SIMC1: variants seen among roughly 807,000 people sequenced by gnomAD.
SIMC1 encodes the protein SUMO interacting motifs containing 1, also known as SUMO-interacting motif-containing protein 1.
In SIMC1, 55 loss-of-function variants were observed where a neutral mutation model predicts 82.3. The ratio of observed to expected loss-of-function variants is 0.67; its 90% CI spans 0.54 to 0.84. The LOEUF (loss-of-function observed/expected upper bound fraction) is 0.84, where lower values mean the gene tolerates loss of function less well. Among genes scored for constraint, SIMC1 ranks in the 40% least tolerant of loss-of-function variants. The probability of loss-of-function intolerance (pLI) is 0.00; values close to 1 mark genes in which losing one functional copy is unlikely to be tolerated. For missense variants in SIMC1, 915 were observed against 1,107.2 expected (o/e 0.83, Z 2.46); for synonymous variants, 353 against 426.3 (o/e 0.83, Z 2.12).
intron 1 of SIMC1, among the ~76,000 whole-genome samples, chr5:176,272,284 G>A (rs1762477154): frequency 6.7e-6 from 1 of 149,974 alleles, no homozygotes; most frequent in Non-Finnish European, 1.5e-5. Context: ...CAGCCTGTGT[G>A]ACATAGCGAG....
chr5:176,280,725 G>A (rs1338679540), intron 1 of SIMC1, among the ~76,000 whole-genome samples: 1 of 151,924 alleles, frequency 6.6e-6, no homozygotes, highest in Admixed American at 6.6e-5. Context: ...GAAATTCTGG[G>A]TTGAAAATTC....
chr5:176,284,170 C>T (rs1160210614), intron 1 of SIMC1, among the ~76,000 whole-genome samples: 11 of 152,158 alleles, frequency 7.2e-5, no homozygotes, highest in East Asian at 1.9e-4. Context: ...CTGTACCAAG[C>T]GGACCTACTA....
At chr5:176,331,864 G>T (rs1352836255) in intron 7 of SIMC1, among the ~76,000 whole-genome samples, 14 of 151,854 alleles carry the variant, frequency 9.2e-5, no homozygotes, top group Non-Finnish European at 1.3e-4. Context: ...AGCTACTCAG[G>T]AGGCTGAGGC....
At chr5:176,286,634 A>C (rs150223564) in intron 1 of SIMC1, among the ~76,000 whole-genome samples, 1 of 152,380 alleles carries the variant, frequency 6.6e-6, no homozygotes, top group South Asian at 2.1e-4. Flanking sequence ...AAAATTGACA[A>C]ACGGGATCTA....
chr5:176,301,532 C>T (rs1406014083), intron 4 of SIMC1, among the ~76,000 whole-genome samples: 1 of 152,172 alleles, frequency 6.6e-6, no homozygotes, highest in Non-Finnish European at 1.5e-5. Context: ...AATCCCAGCA[C>T]TTTGGGAGGC....
intron 6 of SIMC1, among the ~76,000 whole-genome samples, chr5:176,324,361 G>T (rs1326970215): frequency 6.6e-6 from 1 of 152,080 alleles, no homozygotes; most frequent in Non-Finnish European, 1.5e-5. Context: ...TTCTATTTTT[G>T]AATTTAAAAG....
rs369872140 is a variant in SIMC1 at position 176,254,163 on chromosome 5, G to A, written c.129+15526G>A. On this transcript the variant is annotated intron_variant, in intron 1 of 9. Coordinates refer to ENST00000429602, the MANE Select transcript of SIMC1 (RefSeq NM_001308195.2). ...GAGCAACAGTTGTATTAGGGATGTT[G>A]CCAAGGTCACCCACTAGATGGACTA... Among the ~76,000 whole-genome samples, 38 of 152,180 alleles carry A rather than the reference G, an allele frequency of 2.5e-4. 1 individual carries two copies. In the East Asian group the frequency reaches 6.0e-3, roughly 24 times the overall value.
At chr5:176,315,334 CT>C (rs1242859132) in intron 5 of SIMC1, among the ~76,000 whole-genome samples, 3 of 152,116 alleles carry the variant, frequency 2.0e-5, no homozygotes, top group African/African-American at 4.8e-5. Context: ...AGAGTGAGAA[CT>C]CACTCGTTAC....
At chr5:176,313,443 C>T in intron 4 of SIMC1, 2 of 1,549,292 alleles carry the variant, frequency 1.3e-6, no homozygotes, top group Non-Finnish European at 1.7e-6. Flanking sequence ...ATCCTTTGAA[C>T]AAGTAATAAT....
chr5:176,289,917 T>C lies in SIMC1; in HGVS notation c.393T>C (p.Asp131=), dbSNP rs1194395158. The C allele has an allele frequency of 6.2e-7, 1 of 1,613,890 alleles. No homozygotes were observed. ...GAATCATTAACAGTGATCCTGTAGA[T>C]TTGGACCTAGTGGAAGAAAACACCT... ...ARRIINSDPV[D]LDLVEENTFV... is the part of the protein sequence containing the mutation. Residue 131 remains aspartate, a synonymous_variant, in exon 2 of 10, where the codon GAT becomes GAC. Coordinates refer to ENST00000429602, the MANE Select transcript of SIMC1 (RefSeq NM_001308195.2).
At chr5:176,283,105 A>T (rs1409885698) in intron 1 of SIMC1, among the ~76,000 whole-genome samples, 3 of 152,234 alleles carry the variant, frequency 2.0e-5, no homozygotes, top group African/African-American at 4.8e-5. Flanking sequence ...ACTCTTCAGG[A>T]TATCATCCAG....
At chr5:176,308,763 G>A in intron 4 of SIMC1, 6 of 1,338,932 alleles carry the variant, frequency 4.5e-6, no homozygotes, top group South Asian at 1.2e-5. Context: ...ATCAGCAGTA[G>A]AGCTGCCCAA....
chr5:176,295,121 A>C lies in SIMC1; in HGVS notation c.1523A>C (p.Gln508Pro), dbSNP rs761802142. Reference protein sequence around the residue: ...IEENFPLGTVQFLMDFVSPQH... With the variant: ...IEENFPLGTVPFLMDFVSPQH... The stretch of plus-strand genomic sequence containing the variant: ...GAGAATTTTCCTCTGGGGACTGTGC[A>C]GTTTTTGATGGACTTTGTGTCACCC... The change falls in exon 3 of 10, where the codon CAG becomes CCG. Residue 508 changes from glutamine to proline, a missense_variant. Physicochemically the swap from Gln to Pro is moderately conservative, Grantham distance 76. This residue lies in a region of SIMC1 where 902 missense variants were observed against 1,040.3 expected (regional missense o/e 0.87). Transcript: ENST00000429602. The C allele has an allele frequency of 6.2e-7, 1 of 1,613,586 alleles. No individual in the cohort carries two copies. The highest frequency in any genetic ancestry group is 1.3e-5 in the African/African-American group (1 of 74,876).
intron 9 of SIMC1, among the ~76,000 whole-genome samples, chr5:176,338,016 A>G (rs1158196685): frequency 6.6e-6 from 1 of 152,194 alleles, no homozygotes; most frequent in East Asian, 1.9e-4. Context: ...ATGAATTATT[A>G]ATTACTAGAG....
rs538016971 is a variant in SIMC1, at chr5:176,241,661, C to A, written c.129+3024C>A. ...TTTGACTCCTCGAAAACTTAACTACCAGTGGCCTACTGTTGACTGGAAGCC... is the reference window on the plus strand; with the variant it reads ...TTTGACTCCTCGAAAACTTAACTACAAGTGGCCTACTGTTGACTGGAAGCC... On this transcript the variant is annotated intron_variant, in intron 1 of 9. Transcript: ENST00000429602. Among the ~76,000 whole-genome samples the A allele has an allele frequency of 2.8e-4, 42 of 151,908 alleles. 1 individual carries two copies. Among genetic ancestry groups the A allele is most frequent in the African/African-American group, 9.4e-4 (39 of 41,310 alleles).
At chr5:176,283,036 A>G (rs1763086214) in intron 1 of SIMC1, among the ~76,000 whole-genome samples, 1 of 152,242 alleles carries the variant, frequency 6.6e-6, no homozygotes, top group Admixed American at 6.5e-5. Flanking sequence ...AAAAGACCAA[A>G]TCTGCGTCTC....
chr5:176,250,953 C>T (rs936630080), intron 1 of SIMC1, among the ~76,000 whole-genome samples: 3 of 152,052 alleles, frequency 2.0e-5, no homozygotes, highest in Non-Finnish European at 2.9e-5. Flanking sequence ...GCATTTAGCC[C>T]GTTTACATTT....
At chr5:176,270,943 G>A (rs954212269) in intron 1 of SIMC1, among the ~76,000 whole-genome samples, 1 of 152,132 alleles carries the variant, frequency 6.6e-6, no homozygotes, top group African/African-American at 2.4e-5. Context: ...TGCTGTGTTG[G>A]GCTCAGAGCC....
At chr5:176,276,391 C>T (rs537233686) in intron 1 of SIMC1, among the ~76,000 whole-genome samples, 2 of 150,948 alleles carry the variant, frequency 1.3e-5, no homozygotes, top group East Asian at 3.9e-4. Context: ...TGCTAGCGGT[C>T]TATCAATTTT....
Sources: gnomAD v4.1 joint callset for allele counts (sites outside exome capture counted in the v4.1 genomes callset) on GRCh38, gnomAD v4.1.1 for gene constraint, gnomAD v4.1.1 regional missense constraint, MANE v1.5 for transcripts, NCBI Gene and HGNC (gene_info 2026-07-23, HGNC 2026-07-21) for gene names.